Variants in ASTN1 observed in about 807,000 individuals in gnomAD.
The protein encoded by ASTN1 is astrotactin-1.
ASTN1 carries 41 observed loss-of-function variants against 140.7 expected under a neutral mutation model. The ratio of observed to expected loss-of-function variants is 0.29; its 90% confidence interval spans 0.23 to 0.38. ASTN1 has a LOEUF of 0.38. Among genes scored for constraint, ASTN1 ranks in the 10% least tolerant of loss-of-function variants. ASTN1 has a pLI of 1.00. For missense variants in ASTN1, 1,479 were observed against 1,678.8 expected (o/e 0.88, Z 2.08); for synonymous variants, 640 against 652.2 (o/e 0.98, Z 0.29).
intron 1 of ASTN1, among the ~76,000 whole-genome samples, chr1:177,088,773 A>C (rs1472535720): frequency 6.6e-6 from 1 of 152,210 alleles, no homozygotes; most frequent in Non-Finnish European, 1.5e-5. Context: ...AGCTTGAAAC[A>C]TATCTTTACA....
At chr1:176,899,580 T>C (rs543419988) in intron 16 of ASTN1, among the ~76,000 whole-genome samples, 1 of 152,252 alleles carries the variant, frequency 6.6e-6, no homozygotes, top group East Asian at 1.9e-4. Context: ...AATCCCAGCT[T>C]TTGGAGACAG....
chr1:177,043,928 T>C (rs2101999112), intron 2 of ASTN1, among the ~76,000 whole-genome samples: 1 of 152,172 alleles, frequency 6.6e-6, no homozygotes, highest in East Asian at 1.9e-4. Flanking sequence ...TCTCCCTCTT[T>C]AAAAAATTAT....
intron 8 of ASTN1, among the ~76,000 whole-genome samples, chr1:176,993,886 C>T (rs758771976): frequency 6.6e-6 from 1 of 152,192 alleles, no homozygotes; most frequent in Non-Finnish European, 1.5e-5. Context: ...GTAGCCTACA[C>T]TTTCTGCACT....
At chr1:177,113,353 T>C (rs1210144105) in intron 1 of ASTN1, among the ~76,000 whole-genome samples, 1 of 152,198 alleles carries the variant, frequency 6.6e-6, no homozygotes, top group African/African-American at 2.4e-5. Context: ...TGAGCAGCCC[T>C]TCCTTACCTG....
intron 1 of ASTN1, among the ~76,000 whole-genome samples, chr1:177,064,838 A>C (rs1302079355): frequency 1.3e-5 from 2 of 152,202 alleles, no homozygotes; most frequent in African/African-American, 4.8e-5. Flanking sequence ...CTAAACCAGG[A>C]ATTTATTTAT....
chr1:176,954,347 T>C (rs1672314182), intron 11 of ASTN1, among the ~76,000 whole-genome samples: 1 of 152,178 alleles, frequency 6.6e-6, no homozygotes, highest in South Asian at 2.1e-4. Context: ...AAAAATGCAC[T>C]GTTGCTGGCT....
At chr1:176,933,014 A>T (rs1469876842) in intron 16 of ASTN1, among the ~76,000 whole-genome samples, 3 of 152,218 alleles carry the variant, frequency 2.0e-5, no homozygotes, top group African/African-American at 7.2e-5. Context: ...CAATGTTAAG[A>T]TCCTAAAGTT....
intron 8 of ASTN1, among the ~76,000 whole-genome samples, chr1:177,012,857 T>C (rs1379797363): frequency 6.6e-6 from 1 of 152,190 alleles, no homozygotes; most frequent in East Asian, 1.9e-4. Flanking sequence ...TTGTCATTGT[T>C]TTCTCCAGCA....
intron 1 of ASTN1, among the ~76,000 whole-genome samples, chr1:177,139,610 G>A (rs1682369466): frequency 6.6e-6 from 1 of 152,064 alleles, no homozygotes; most frequent in South Asian, 2.1e-4. Context: ...TAGAAATAAG[G>A]GCAAAACCTA....
At chr1:177,114,664 CTG>C (rs137914416) in intron 1 of ASTN1, among the ~76,000 whole-genome samples, 94 of 150,644 alleles carry the variant, frequency 6.2e-4, no homozygotes, top group African/African-American at 1.9e-3. Context: ...GTATGTGGTG[CTG>C]TGTGTGTGTG....
chr1:177,016,558 T>C (rs1009997974), intron 7 of ASTN1, among the ~76,000 whole-genome samples: 7 of 152,048 alleles, frequency 4.6e-5, no homozygotes, highest in Admixed American at 1.3e-4. Flanking sequence ...AAAGGAAAGA[T>C]AAAGAAGGCA....
chr1:177,087,015 T>C (rs942942202), intron 1 of ASTN1, among the ~76,000 whole-genome samples: 1 of 152,212 alleles, frequency 6.6e-6, no homozygotes, highest in African/African-American at 2.4e-5. Context: ...CTCAAACTTT[T>C]TTTTTAGAAT....
chr1:177,089,374 A>G (rs756330350), intron 1 of ASTN1, among the ~76,000 whole-genome samples: 2 of 152,152 alleles, frequency 1.3e-5, no homozygotes, highest in Admixed American at 6.5e-5. Context: ...CATTGTTATT[A>G]TTTGGTTAAT....
At chr1:177,067,601 C>A (rs904376372) in intron 1 of ASTN1, among the ~76,000 whole-genome samples, 11 of 152,080 alleles carry the variant, frequency 7.2e-5, no homozygotes. Context: ...ACTTTCAACA[C>A]CTTTGTAAGA....
At chr1:177,164,283 G>T in intron 1 of ASTN1, 111 bp downstream of exon 1, 1 of 1,177,122 alleles carries the variant, frequency 8.5e-7, no homozygotes, top group Non-Finnish European at 1.2e-6. Context: ...CCGGGAGGTA[G>T]GAGTGGGGGA....
rs1681889067 is a variant in ASTN1, at chr1:177,130,455, G to A, written c.283+33939C>T. ...AGAGGTGGCATGGCACCTACCTAATGTTGATACTCTTAAAATCGCTCCTGG... is the reference window on the plus strand; with the variant it reads ...AGAGGTGGCATGGCACCTACCTAATATTGATACTCTTAAAATCGCTCCTGG... On this transcript the variant is annotated intron_variant, in intron 1 of 22. Coordinates refer to ENST00000361833, the MANE Select transcript of ASTN1 (RefSeq NM_004319.3). Among the ~76,000 whole-genome samples, 5 of 152,130 alleles carry A rather than the reference G, an allele frequency of 3.3e-5. 1 individual carries two copies. The highest frequency in any genetic ancestry group is 6.5e-5 in the Admixed American group (1 of 15,278).
chr1:176,969,580 A>C (rs923122230), intron 8 of ASTN1, among the ~76,000 whole-genome samples: 2 of 152,144 alleles, frequency 1.3e-5, no homozygotes, highest in African/African-American at 4.8e-5. Flanking sequence ...TGCCTCAATT[A>C]GAAGTGAGCA....
At chr1:177,101,603 TC>T (rs1318245802) in intron 1 of ASTN1, among the ~76,000 whole-genome samples, 1 of 152,214 alleles carries the variant, frequency 6.6e-6, no homozygotes, top group African/African-American at 2.4e-5. Context: ...CTGTTTTCTT[TC>T]TTGAAAAGGA....
chr1:177,113,614 C>T (rs570421815), intron 1 of ASTN1, among the ~76,000 whole-genome samples: 2 of 152,190 alleles, frequency 1.3e-5, no homozygotes, highest in African/African-American at 4.8e-5. Flanking sequence ...GGCACACCCT[C>T]CTTTTTGCTC....
Sources: allele counts gnomAD v4.1 joint callset (sites outside exome capture counted in the v4.1 genomes callset), GRCh38; gene constraint gnomAD v4.1.1; transcripts MANE v1.5; gene names NCBI Gene and HGNC (gene_info 2026-07-23, HGNC 2026-07-21).